The following SETBP1 variants were observed in gnomAD, a reference collection of about 807,000 sequenced individuals.
SETBP1 encodes the protein SET binding protein 1.
In SETBP1, 9 loss-of-function variants were observed where a neutral mutation model predicts 101.0. That is an observed-to-expected ratio of 0.09 (90% CI 0.05 to 0.16). SETBP1 has a LOEUF of 0.16. Ranked by LOEUF, SETBP1 falls within the 10% of genes least tolerant of loss-of-function variation. The pLI, the probability that SETBP1 is intolerant of heterozygous loss-of-function variation, is 1.00. For synonymous variants in SETBP1, 818 were observed against 788.5 expected (o/e 1.04, Z -0.63); for missense variants, 1,858 against 2,033.8 (o/e 0.91, Z 1.66).
At chr18:44,831,052 C>A (rs951206994) in intron 2 of SETBP1, among the ~76,000 whole-genome samples, 12 of 152,124 alleles carry the variant, frequency 7.9e-5, no homozygotes, top group Admixed American at 3.3e-4. Flanking sequence ...ATAGAGCTGT[C>A]TTTTCTTTTC....
At chr18:44,831,145 G>A (rs2072355545) in intron 2 of SETBP1, among the ~76,000 whole-genome samples, 3 of 152,222 alleles carry the variant, frequency 2.0e-5, no homozygotes, top group African/African-American at 7.2e-5. Flanking sequence ...AGGCCTGTTT[G>A]TGAACATTGC....
At chr18:45,056,867 C>T (rs1478741986) in intron 5 of SETBP1, among the ~76,000 whole-genome samples, 3 of 152,188 alleles carry the variant, frequency 2.0e-5, no homozygotes, top group African/African-American at 4.8e-5. Flanking sequence ...GAAATAGGAG[C>T]AGAACACAGA....
chr18:44,796,581 A>T (rs1033734526), intron 2 of SETBP1, among the ~76,000 whole-genome samples: 1 of 152,236 alleles, frequency 6.6e-6, no homozygotes, highest in Non-Finnish European at 1.5e-5. Context: ...CAGGCATCTC[A>T]TACAAGTCTC....
intron 5 of SETBP1, among the ~76,000 whole-genome samples, chr18:45,055,592 A>T (rs2145568668): frequency 6.6e-6 from 1 of 152,240 alleles, no homozygotes. Flanking sequence ...AAGTAATTTA[A>T]AGTTCTCTTT....
At chr18:45,047,855 G>C (rs548381442) in intron 5 of SETBP1, among the ~76,000 whole-genome samples, 49 of 152,044 alleles carry the variant, frequency 3.2e-4, no homozygotes, top group African/African-American at 9.9e-4. Flanking sequence ...CAAAGACAGA[G>C]AGAGAGAGAG....
At chr18:44,815,704 T>A (rs1047958338) in intron 2 of SETBP1, among the ~76,000 whole-genome samples, 2 of 152,200 alleles carry the variant, frequency 1.3e-5, no homozygotes, top group Admixed American at 1.3e-4. Flanking sequence ...GCTGCTCTCG[T>A]CAACCAACAC....
chr18:44,941,518 C>T (rs1038164298), intron 3 of SETBP1, among the ~76,000 whole-genome samples: 3 of 151,914 alleles, frequency 2.0e-5, no homozygotes, highest in South Asian at 2.1e-4. Context: ...GCTTGGGATT[C>T]GTTGAGCTTC....
intron 4 of SETBP1, among the ~76,000 whole-genome samples, chr18:45,022,092 C>T (rs1182069040): frequency 1.3e-5 from 2 of 152,288 alleles, no homozygotes; most frequent in Non-Finnish European, 1.5e-5. Context: ...CTACTAGGAG[C>T]AGATTTTGTC....
chr18:45,024,926 T>A (rs1456695993), intron 4 of SETBP1, among the ~76,000 whole-genome samples: 1 of 152,234 alleles, frequency 6.6e-6, no homozygotes, highest in African/African-American at 2.4e-5. Context: ...ACTCAACTAT[T>A]TCCAAATCTC....
intron 2 of SETBP1, among the ~76,000 whole-genome samples, chr18:44,763,765 T>C (rs2070708152): frequency 6.6e-6 from 1 of 152,204 alleles, no homozygotes; most frequent in African/African-American, 2.4e-5. Context: ...TTCCTCCTTT[T>C]TAAAATATGT....
chr18:44,912,572 C>A (rs539990738), intron 3 of SETBP1, among the ~76,000 whole-genome samples: 22 of 152,188 alleles, frequency 1.4e-4, no homozygotes, highest in Admixed American at 1.3e-3. Context: ...CACCTGCCAC[C>A]ATGCCCGGCT....
chr18:45,006,819 A>C (rs190952092), intron 4 of SETBP1, among the ~76,000 whole-genome samples: 1 of 152,320 alleles, frequency 6.6e-6, no homozygotes, highest in African/African-American at 2.4e-5. Flanking sequence ...AACCCACAAT[A>C]GCAACTAAAC....
intron 4 of SETBP1, among the ~76,000 whole-genome samples, chr18:44,957,545 T>G (rs1457506236): frequency 6.6e-6 from 1 of 152,164 alleles, no homozygotes; most frequent in Non-Finnish European, 1.5e-5. Flanking sequence ...ATCCAAATTC[T>G]GCCATGTAGG....
chr18:44,796,186 A>T (rs931004784), intron 2 of SETBP1, among the ~76,000 whole-genome samples: 13 of 152,220 alleles, frequency 8.5e-5, no homozygotes, highest in African/African-American at 3.1e-4. Context: ...CAGTCAGCTC[A>T]GTGAATTTAT....
intron 4 of SETBP1, among the ~76,000 whole-genome samples, chr18:44,974,507 C>G (rs2071942672): frequency 6.6e-6 from 1 of 152,090 alleles, no homozygotes; most frequent in Admixed American, 6.6e-5. Context: ...ATGGTGTTTT[C>G]ACTGCATAAA....
chr18:44,934,867 G>T (rs548964738), intron 3 of SETBP1, among the ~76,000 whole-genome samples: 2 of 152,096 alleles, frequency 1.3e-5, no homozygotes, highest in African/African-American at 2.4e-5. Context: ...GAATAAAGAC[G>T]GAAGACAGTC....
At chr18:44,931,805 G>C (rs139525329) in intron 3 of SETBP1, among the ~76,000 whole-genome samples, 1 of 151,866 alleles carries the variant, frequency 6.6e-6, no homozygotes, top group Non-Finnish European at 1.5e-5. Context: ...GATCTTCCTC[G>C]ATCCCTTCAT....
chr18:44,829,071 T>G (rs953468266), intron 2 of SETBP1, among the ~76,000 whole-genome samples: 10 of 152,146 alleles, frequency 6.6e-5, no homozygotes, highest in African/African-American at 1.7e-4. Flanking sequence ...TGGAAAAGAG[T>G]GAAAAACAGT....
intron 2 of SETBP1, among the ~76,000 whole-genome samples, chr18:44,807,208 C>A (rs138220801): frequency 1.3e-5 from 2 of 152,242 alleles, no homozygotes; most frequent in East Asian, 3.9e-4. Context: ...ACATTAAAAC[C>A]ACATTTTATA....
Sources: gnomAD v4.1 joint callset for allele counts (sites outside exome capture counted in the v4.1 genomes callset) on GRCh38, gnomAD v4.1.1 for gene constraint, MANE v1.5 for transcripts, NCBI Gene and HGNC (gene_info 2026-07-23, HGNC 2026-07-21) for gene names.